Variants in CDHR2 observed in about 807,000 individuals in gnomAD.
CDHR2 encodes cadherin related family member 2.
A neutral mutation model predicts 138.6 loss-of-function variants in CDHR2; 104 were observed. That is an observed-to-expected ratio of 0.75 (90% CI 0.64 to 0.88). CDHR2 has a LOEUF of 0.88. Ranked by LOEUF, CDHR2 falls within the 40% of genes least tolerant of loss-of-function variation. CDHR2 has a pLI of 0.00. For synonymous variants in CDHR2, 755 were observed against 742.8 expected, an observed-to-expected ratio of 1.02 and a Z score of -0.27; for missense variants, 1,624 against 1,727.6, an observed-to-expected ratio of 0.94 and a Z score of 1.06.
chr5:176,572,812 G>A (rs956439580), intron 6 of CDHR2, among the ~76,000 whole-genome samples: 8 of 152,194 alleles, frequency 5.3e-5, no homozygotes, highest in African/African-American at 7.2e-5. Flanking sequence ...CTCAGCACCC[G>A]GCACTGTCTA....
chr5:176,585,687 C>T (rs940483543), intron 19 of CDHR2, among the ~76,000 whole-genome samples: 11 of 152,216 alleles, frequency 7.2e-5, no homozygotes, highest in Non-Finnish European at 1.6e-4. Context: ...CCCACCCACA[C>T]AGGCCAGAGA....
chr5:176,577,955 G>T (rs1381536704), intron 14 of CDHR2, 79 bp from the exon 15 acceptor site: 5 of 1,525,862 alleles, frequency 3.3e-6, no homozygotes, highest in Non-Finnish European at 4.5e-6. Flanking sequence ...AAGCACGACA[G>T]CTCTGTCCCC....
intron 2 of CDHR2, 121 bp from the exon 3 acceptor site, chr5:176,565,545 GGGAGGA>G: frequency 8.1e-7 from 1 of 1,234,096 alleles, no homozygotes; most frequent in Non-Finnish European, 1.2e-6. Flanking sequence ...GGGAGGCCTG[GGGAGGA>G]ATCCAGGCCT....
rs1019532690 is a variant in CDHR2, at chr5:176,543,086, G to A, written c.-16+317G>A. Among the ~76,000 whole-genome samples the A allele has an allele frequency of 5.9e-5, 9 of 151,714 alleles. No individual in the cohort carries two copies. The highest frequency in any genetic ancestry group is 1.9e-4 in the African/African-American group (8 of 41,380). On this transcript the variant is annotated intron_variant, in intron 1 of 31. Coordinates refer to the CDHR2 transcript ENST00000510636. The surrounding 1 kb of genome is among the most constrained non-coding windows in gnomAD (Gnocchi z 4.0). ...CCTAGCGGACGGGGAGAAGAGCGGC[G>A]CAGCTCCCGCTGCCGGGCCCGGGAC... is the stretch of plus-strand genomic sequence containing the variant.
Position 176,592,735 on chromosome 5 carries a change from G to A in CDHR2, c.3747G>A (p.Leu1249=). 6.2e-7 allele frequency: 1 copy of A among 1,613,804 alleles called. No homozygotes were observed. The highest frequency in any genetic ancestry group is 8.5e-7 in the Non-Finnish European group (1 of 1,179,812). ...ACCTCTCTTACAGCGTCAACTCCCT[G>A]GACGACAACTCTGTGGATGTGGACA... ...NDLDSVSVNS[L]DDNSVDVDKN... Residue 1249 remains leucine (L), a synonymous_variant, in exon 31 of 32, where the codon CTG becomes CTA. Transcript: ENST00000261944.
At chr5:176,545,986 C>T (rs138524153), upstream of CDHR2, among the ~76,000 whole-genome samples, 90 of 152,312 alleles carry the variant, frequency 5.9e-4, 1 homozygote, top group Middle Eastern at 3.4e-3. Context: ...TCAGAGCTGT[C>T]GGCCTCAGCC....
intron 1 of CDHR2, among the ~76,000 whole-genome samples, chr5:176,564,943 A>C (rs1758045220): frequency 6.6e-6 from 1 of 151,918 alleles, no homozygotes; most frequent in Non-Finnish European, 1.5e-5. Context: ...GAGAGAATGA[A>C]CTCTGGACTC....
At chr5:176,560,779 T>G (rs1561867852) in intron 1 of CDHR2, among the ~76,000 whole-genome samples, 1 of 152,204 alleles carries the variant, frequency 6.6e-6, no homozygotes, top group Non-Finnish European at 1.5e-5. Context: ...ACTCGGCACA[T>G]ATTAGGTGCT....
chr5:176,568,995 C>A lies in CDHR2; in HGVS notation c.300C>A (p.Ser100Arg). 3 of 1,614,140 alleles carry A rather than the reference C, an allele frequency of 1.9e-6. No individual in the cohort carries two copies. Among genetic ancestry groups the A allele is most frequent in the Middle Eastern group, 3.3e-4 (2 of 6,060 alleles). Reference sequence around the variant, plus strand: ...CATTCAAAGTCACCATCTCCGTGAGCGACCCCTACATCCAGGTGAGTTGGG... The same window carrying A: ...CATTCAAAGTCACCATCTCCGTGAGAGACCCCTACATCCAGGTGAGTTGGG... The part of the protein sequence containing the change: ...LYTFKVTISV[S>R]DPYIQVQREM... Residue 100 changes from serine (S) to arginine (R), a missense_variant, in exon 5 of 32, where the codon AGC becomes AGA. Around this residue, in one of 3 missense-constraint regions of CDHR2, gnomAD observed 1,061 missense variants for 1,136.6 expected, o/e 0.93. Transcript: ENST00000261944.
chr5:176,559,165 A>G (rs1757910697), intron 1 of CDHR2, among the ~76,000 whole-genome samples: 1 of 152,212 alleles, frequency 6.6e-6, no homozygotes, highest in African/African-American at 2.4e-5. Flanking sequence ...TGTAAGCTGC[A>G]GAGCTTCTGA....
At chr5:176,584,129 G>A (rs886914998) in intron 17 of CDHR2, 61 bp from the exon 18 acceptor site, 24 of 1,413,272 alleles carry the variant, frequency 1.7e-5, no homozygotes, top group Middle Eastern at 3.5e-4. Context: ...TTGGTTTCTC[G>A]GATTGGCTCT....
At chr5:176,546,509 A>G (rs1225959110), upstream of CDHR2, among the ~76,000 whole-genome samples, 6 of 152,098 alleles carry the variant, frequency 3.9e-5, no homozygotes, top group Non-Finnish European at 8.8e-5. Flanking sequence ...GGCATCATGT[A>G]TTACCTGCAA....
In CDHR2 at chr5:176,543,239, C is replaced by G. The variant is rs1459224713; in HGVS notation, c.-16+470C>G. ...GGCCCTGCGCCCGGGGCGCTCGGCG[C>G]AGGGTCCGGGCCCGGCGTTACCTGG... On this transcript the variant is annotated intron_variant, in intron 1 of 31. Coordinates refer to the CDHR2 transcript ENST00000510636. The surrounding 1 kb of genome is among the most constrained non-coding windows in gnomAD (Gnocchi z 4.0). Among the ~76,000 whole-genome samples, 1 of 147,092 alleles carries G rather than the reference C, an allele frequency of 6.8e-6. No homozygotes were observed. The highest frequency in any genetic ancestry group is 1.5e-5 in the Non-Finnish European group (1 of 66,066).
At chr5:176,559,025 T>G (rs761420335) in intron 1 of CDHR2, among the ~76,000 whole-genome samples, 8 of 152,206 alleles carry the variant, frequency 5.3e-5, no homozygotes, top group African/African-American at 1.9e-4. Context: ...GACATCTTGC[T>G]CTCCCTCAAC....
In CDHR2 at chr5:176,590,243, C is replaced by T; in HGVS notation, c.3276-10C>T. ...CAGGCTCCTGACTCTTCAACTCTGT[C>T]CCGCTCCAGGGCCCGACCTCACTCC... On this transcript the variant is annotated splice_polypyrimidine_tract_variant and intron_variant, in intron 25 of 31. Coordinates refer to ENST00000261944, the MANE Select transcript of CDHR2 (RefSeq NM_017675.6). 6.2e-7 allele frequency: 1 copy of T among 1,614,080 alleles called. No individual in the cohort carries two copies. Among genetic ancestry groups the T allele is most frequent in the South Asian group, 1.1e-5 (1 of 91,074 alleles).
intron 30 of CDHR2, among the ~76,000 whole-genome samples, chr5:176,591,985 T>G (rs1259791598): frequency 4.2e-5 from 6 of 143,426 alleles, no homozygotes; most frequent in Admixed American, 6.9e-5. Flanking sequence ...GGTGTTGGTG[T>G]TGAGGTGATG....
chr5:176,558,308 C>G (rs535682686), intron 1 of CDHR2, among the ~76,000 whole-genome samples: 6 of 151,126 alleles, frequency 4.0e-5, no homozygotes, highest in South Asian at 2.1e-4. Flanking sequence ...CTCCGTCTCC[C>G]GGGTTCACAC....
chr5:176,563,405 G>A (rs189050626), intron 1 of CDHR2, among the ~76,000 whole-genome samples: 3 of 152,158 alleles, frequency 2.0e-5, no homozygotes, highest in East Asian at 1.9e-4. Context: ...GGCTCAGTTC[G>A]TCAGCAGCTG....
intron 3 of CDHR2, among the ~76,000 whole-genome samples, chr5:176,566,222 G>T (rs557548258): frequency 6.6e-6 from 1 of 152,256 alleles, no homozygotes; most frequent in African/African-American, 2.4e-5. Flanking sequence ...TGGGTTTTGA[G>T]ATGTAAAGTT....
Sources: gnomAD v4.1 joint callset for allele counts (sites outside exome capture counted in the v4.1 genomes callset) on GRCh38, gnomAD v4.1.1 for gene constraint, gnomAD v4.1.1 regional missense constraint, Gnocchi (gnomAD v3.1) non-coding constraint, MANE v1.5 for transcripts, NCBI Gene and HGNC (gene_info 2026-07-23, HGNC 2026-07-21) for gene names.